Variants in CSMD1 observed in about 807,000 individuals in gnomAD.
CSMD1 encodes the protein CUB and Sushi multiple domains 1, also known as CUB and sushi domain-containing protein 1.
In CSMD1, 213 loss-of-function variants were observed where a neutral mutation model predicts 417.5. The ratio of observed to expected loss-of-function variants is 0.51; its 90% confidence interval spans 0.46 to 0.57. The LOEUF is 0.57. Ranked by LOEUF, CSMD1 falls within the 20% of genes least tolerant of loss-of-function variation. The pLI, the probability that CSMD1 is intolerant of heterozygous loss-of-function variation, is 0.00. For synonymous variants in CSMD1, 2,862 were observed against 1,736.8 expected, an observed-to-expected ratio of 1.65 and a Z score of -16.11; for missense variants, 6,923 against 4,529.7, an observed-to-expected ratio of 1.53 and a Z score of -15.17.
chr8:3,150,666 C>T (rs1053265884), intron 40 of CSMD1, among the ~76,000 whole-genome samples: 4 of 152,088 alleles, frequency 2.6e-5, no homozygotes, highest in African/African-American at 9.7e-5. Flanking sequence ...TCACTAAGTA[C>T]CTAACTTGGT....
At chr8:3,903,442 A>C (rs1289110250) in intron 5 of CSMD1, among the ~76,000 whole-genome samples, 2 of 152,170 alleles carry the variant, frequency 1.3e-5, no homozygotes, top group African/African-American at 4.8e-5. Context: ...TAACATACAC[A>C]TTATGTAAAA....
chr8:3,126,312 T>G (rs1817506883), intron 41 of CSMD1, among the ~76,000 whole-genome samples: 1 of 152,332 alleles, frequency 6.6e-6, no homozygotes, highest in Middle Eastern at 3.4e-3. Flanking sequence ...TGATAAAATA[T>G]TTCTCATTAA....
chr8:3,894,541 C>A (rs1274209481), intron 5 of CSMD1, among the ~76,000 whole-genome samples: 1 of 152,004 alleles, frequency 6.6e-6, no homozygotes, highest in Non-Finnish European at 1.5e-5. Context: ...TGATAGATTC[C>A]TCAAAAGTGT....
chr8:4,658,875 C>G (rs1361997140), intron 1 of CSMD1, among the ~76,000 whole-genome samples: 1 of 151,972 alleles, frequency 6.6e-6, no homozygotes, highest in Non-Finnish European at 1.5e-5. Context: ...GAGTCTAGAG[C>G]TATATAGGAG....
intron 5 of CSMD1, among the ~76,000 whole-genome samples, chr8:3,834,237 G>A (rs1383628731): frequency 1.3e-5 from 2 of 151,558 alleles, no homozygotes; most frequent in East Asian, 1.9e-4. Flanking sequence ...TGCTCCTAAG[G>A]CCCCCTCTGT....
At position 3,408,044 on chromosome 8, in the gene CSMD1, A is replaced by G. The variant is rs1812460494; in HGVS notation, c.1926T>C (p.Asp642=). Residue 642 remains aspartate (D), a synonymous_variant, in exon 14 of 70, where the codon GAT becomes GAC. Coordinates refer to ENST00000635120, the MANE Select transcript of CSMD1 (RefSeq NM_033225.6). ...GGACAGTTATGTCAGAAATGCCATC[A>G]TCCTTGACCGCGAGAAAGTCAAACT... ...EPQFDFLAVK[D]DGISDITVLG... is the part of the protein sequence containing the mutation. The G allele has an allele frequency of 6.2e-7, 1 of 1,613,866 alleles. No individual in the cohort carries two copies. The highest frequency in any genetic ancestry group is 1.7e-5 in the Admixed American group (1 of 59,998).
chr8:3,560,113 G>C (rs895532742), intron 10 of CSMD1, among the ~76,000 whole-genome samples: 1 of 152,082 alleles, frequency 6.6e-6, no homozygotes, highest in East Asian at 1.9e-4. Context: ...GGACCCATTC[G>C]AACTTGTAGT....
intron 4 of CSMD1, among the ~76,000 whole-genome samples, chr8:4,015,365 C>G (rs1178266688): frequency 1.3e-5 from 2 of 152,102 alleles, no homozygotes; most frequent in Non-Finnish European, 2.9e-5. Flanking sequence ...GTTTTCCTGC[C>G]TTTTCATCTC....
intron 37 of CSMD1, among the ~76,000 whole-genome samples, chr8:3,178,359 G>A (rs1821072602): frequency 6.6e-6 from 1 of 151,888 alleles, no homozygotes; most frequent in East Asian, 1.9e-4. Flanking sequence ...TTTAGAACCA[G>A]GCATACTTGA....
intron 23 of CSMD1, among the ~76,000 whole-genome samples, chr8:3,312,327 G>A (rs1805414510): frequency 6.6e-6 from 1 of 151,932 alleles, no homozygotes; most frequent in South Asian, 2.1e-4. Flanking sequence ...CTTTTTTTCT[G>A]ATGCCTTTTC....
chr8:3,776,365 A>G, intron 5 of CSMD1, among the ~76,000 whole-genome samples: 1 of 152,142 alleles, frequency 6.6e-6, no homozygotes, highest in Non-Finnish European at 1.5e-5. Context: ...CACCTGTCTC[A>G]CTGAGAGTAA....
chr8:4,493,304 G>T lies in CSMD1; in HGVS notation c.303-73239C>A, dbSNP rs568011153. Among the ~76,000 whole-genome samples the T allele has an allele frequency of 2.0e-5, 3 of 152,238 alleles. No homozygotes were observed. In the South Asian group the frequency reaches 6.2e-4, roughly 32 times the overall value. On this transcript the variant is annotated intron_variant, in intron 2 of 69. Transcript: ENST00000635120. ...GTTAATTTTAAAATCCTAAGAGAGA[G>T]AGAGTTTGTGCGTGTGTGTGTATGT...
intron 31 of CSMD1, 61 bp from the exon 32 acceptor site, chr8:3,201,786 T>C (rs1797005871): frequency 1.4e-5 from 13 of 935,526 alleles, no homozygotes; most frequent in Admixed American, 6.5e-5. Context: ...ATGGAGATTT[T>C]TGATTTCACT....
intron 7 of CSMD1, among the ~76,000 whole-genome samples, chr8:3,672,592 A>T (rs1585052692): frequency 6.6e-6 from 1 of 152,352 alleles, no homozygotes; most frequent in East Asian, 1.9e-4. Flanking sequence ...TAATGTGTTT[A>T]CATTTGGCCA....
rs555258655 is a variant in CSMD1, at chr8:4,769,040, G to A, written c.86-131482C>T. The stretch of plus-strand genomic sequence containing the variant: ...TGTAAGGTACTACAAAGCCATCTCG[G>A]GGAATATCATTTAGAATGTGTGAGG... On this transcript the variant is annotated intron_variant, in intron 1 of 69. Transcript: ENST00000635120. Among the ~76,000 whole-genome samples, 3 of 152,216 alleles carry A rather than the reference G, an allele frequency of 2.0e-5. No homozygotes were observed. The East Asian group carries it at 5.8e-4, about 29-fold the overall frequency.
In CSMD1 at chr8:3,359,198, C is replaced by T. The variant is rs927000857; in HGVS notation, c.3258G>A (p.Leu1086=). 6.2e-7 allele frequency: 1 copy of T among 1,613,872 alleles called. No individual in the cohort carries two copies. Among genetic ancestry groups the T allele is most frequent in the Non-Finnish European group, 8.5e-7 (1 of 1,179,930 alleles). ...RLEGATKLTC[L]GGGRRVWSAP... ...CACTCCACACACGGCGGCCCCCACC[C>T]AGGCAGGTAAGCTTGGTGGCACCTT... The change falls in exon 21 of 70, where the codon CTG becomes CTA. Residue 1086 remains leucine, a synonymous_variant. Transcript: ENST00000635120.
intron 5 of CSMD1, among the ~76,000 whole-genome samples, chr8:3,921,216 A>C (rs28834674): frequency 0.018 from 2,725 of 152,172 alleles, 80 homozygotes; most frequent in African/African-American, 0.06. Context: ...TTGCGTATAT[A>C]ATTTTTACAG....
At chr8:4,043,468 G>C (rs191451422) in intron 3 of CSMD1, among the ~76,000 whole-genome samples, 4 of 152,288 alleles carry the variant, frequency 2.6e-5, no homozygotes, top group South Asian at 2.1e-4. Context: ...AATACACCCA[G>C]TGTTATGTTG....
Position 2,955,655 on chromosome 8 carries a change from C to T in CSMD1, c.9928G>A (p.Gly3310Arg), listed in dbSNP as rs1450764141. ...TTACATGTTCTGTGCTCAGATCCCC[C>T]TGCGAGGAAAAAGCCTGGATGGCAG... ...YTCHPGFFLAGGSEHRTCKAD... is the reference protein window; with the variant it reads ...YTCHPGFFLARGSEHRTCKAD... The change falls in exon 64 of 70, where the codon GGG becomes AGG. Residue 3310 changes from glycine (G) to arginine (R), a missense_variant. Transcript: ENST00000635120. The T allele has an allele frequency of 3.1e-6, 5 of 1,613,784 alleles. No individual in the cohort carries two copies. The African/African-American group carries it at 5.3e-5, about 17-fold the overall frequency.
Sources: gnomAD v4.1 joint callset for allele counts (sites outside exome capture counted in the v4.1 genomes callset) on GRCh38, gnomAD v4.1.1 for gene constraint, MANE v1.5 for transcripts, NCBI Gene and HGNC (gene_info 2026-07-23, HGNC 2026-07-21) for gene names.